The following NSG2 variants were observed in gnomAD, a reference collection of about 807,000 sequenced individuals.
The protein encoded by NSG2 is neuronal vesicle trafficking associated 2, also known as neuronal vesicle trafficking-associated protein 2.
NSG2 carries 4 observed loss-of-function variants against 16.9 expected under a neutral mutation model. The observed-to-expected ratio is 0.24, with a 90% CI of 0.12 to 0.54. NSG2 has a LOEUF of 0.54. Ranked by LOEUF, NSG2 falls within the 20% of genes least tolerant of loss-of-function variation. NSG2 has a pLI of 0.95. For missense variants in NSG2, 179 were observed against 221.1 expected (o/e 0.81, Z 1.21); for synonymous variants, 98 against 88.7 (o/e 1.11, Z -0.59).
chr5:174,084,936 T>C (rs1174835975), intron 3 of NSG2, among the ~76,000 whole-genome samples: 1 of 152,166 alleles, frequency 6.6e-6, no homozygotes, highest in Non-Finnish European at 1.5e-5. Flanking sequence ...CTTTGTACAG[T>C]CAGAATGGTG....
intron 3 of NSG2, among the ~76,000 whole-genome samples, chr5:174,088,293 T>C (rs985314323): frequency 1.3e-5 from 2 of 152,126 alleles, no homozygotes; most frequent in Non-Finnish European, 1.5e-5. Flanking sequence ...GTGGTAATAG[T>C]GGGAGAAGCT....
At position 174,107,668 on chromosome 5, in the gene NSG2, G is replaced by A. The variant is rs770166935; in HGVS notation, c.*163G>A. ...CGCACCAAAAACGTGGTGTGTGCTG[G>A]AGTTGTCTGAACCGATATTTCTTTT... On this transcript the variant is annotated 3_prime_UTR_variant, in exon 5 of 5. Coordinates refer to ENST00000303177, the MANE Select transcript of NSG2 (RefSeq NM_015980.5). This position sits in a 1 kb window ranked among gnomAD's most constrained non-coding sequence, Gnocchi z 4.5. 9.6e-5 allele frequency: 72 copies of A among 753,110 alleles called. No individual in the cohort carries two copies. In the South Asian group the frequency reaches 1.0e-3, roughly 11 times the overall value. The allele number at this position is 753,110 out of a possible 1,614,324, so 46.7% of individuals were successfully genotyped here.
intron 3 of NSG2, among the ~76,000 whole-genome samples, chr5:174,097,837 G>A (rs1309226221): frequency 1.3e-5 from 2 of 150,696 alleles, no homozygotes; most frequent in Non-Finnish European, 3.0e-5. Context: ...GTCTCTTTGT[G>A]TGTGTCTGTG....
chr5:174,087,787 CAAA>C (rs552111181), intron 3 of NSG2, among the ~76,000 whole-genome samples: 1 of 131,640 alleles, frequency 7.6e-6, no homozygotes. Context: ...GACCCTGTGT[CAAA>C]AAAAAAAAAA....
chr5:174,098,869 G>T (rs10076619), intron 3 of NSG2, among the ~76,000 whole-genome samples: 51,204 of 152,028 alleles, frequency 0.34, 11,823 homozygotes, highest in African/African-American at 0.66. Context: ...ACCCTCCAAT[G>T]TAGCGCTGGA....
At chr5:174,063,838 T>C (rs1012235283) in intron 2 of NSG2, among the ~76,000 whole-genome samples, 4 of 152,162 alleles carry the variant, frequency 2.6e-5, no homozygotes, top group Admixed American at 2.6e-4. Context: ...TGTTATACTA[T>C]GCCAAAAGGC....
intron 2 of NSG2, among the ~76,000 whole-genome samples, chr5:174,052,140 A>G (rs1462681500): frequency 1.3e-5 from 2 of 152,188 alleles, no homozygotes; most frequent in Non-Finnish European, 2.9e-5. Context: ...CTGTCCAATC[A>G]GTCCTCCACG....
At chr5:174,089,324 AG>A (rs1214082080) in intron 3 of NSG2, among the ~76,000 whole-genome samples, 5 of 152,172 alleles carry the variant, frequency 3.3e-5, no homozygotes, top group Non-Finnish European at 7.4e-5. Context: ...CGCCCCAAAG[AG>A]GGATCTCATC....
At chr5:174,047,084 T>A (rs1378767531) in intron 2 of NSG2, among the ~76,000 whole-genome samples, 200 bp downstream of exon 2, 1 of 152,228 alleles carries the variant, frequency 6.6e-6, no homozygotes, top group Admixed American at 6.5e-5. Context: ...GTTTATTCAT[T>A]TTTTGTTCAT....
chr5:174,074,705 T>A (rs1349454057), intron 3 of NSG2, among the ~76,000 whole-genome samples: 1 of 152,048 alleles, frequency 6.6e-6, no homozygotes, highest in African/African-American at 2.4e-5. Flanking sequence ...ACTGCCTTCC[T>A]ACACTCCCAG....
intron 3 of NSG2, among the ~76,000 whole-genome samples, chr5:174,081,083 G>A (rs1422820791): frequency 2.0e-5 from 3 of 150,770 alleles, no homozygotes; most frequent in Non-Finnish European, 4.4e-5. Context: ...TTTGAATTTT[G>A]TATATTTATT....
rs906025748 is a variant in NSG2, at chr5:174,104,137, G to T, written c.214-91G>T. 1.7e-5 allele frequency: 15 copies of T among 874,606 alleles called. No homozygotes were observed. The African/African-American group carries it at 2.3e-4, about 13-fold the overall frequency. The allele number at this position is 874,606 out of a possible 1,614,324, so 54.2% of individuals were successfully genotyped here. On this transcript the variant is annotated intron_variant, in intron 3 of 4. Transcript: ENST00000303177. Reference sequence around the variant, plus strand: ...CCTGTCCCCCTTTCTAGCACACCATGCTGCCTGCCAGTTCTAGGCTCTGAA... The same window carrying T: ...CCTGTCCCCCTTTCTAGCACACCATTCTGCCTGCCAGTTCTAGGCTCTGAA...
At chr5:174,053,692 T>C (rs1170325398) in intron 2 of NSG2, among the ~76,000 whole-genome samples, 2 of 152,132 alleles carry the variant, frequency 1.3e-5, no homozygotes, top group Admixed American at 6.5e-5. Context: ...ATCCAGCAAA[T>C]AGCTAATGAT....
intron 3 of NSG2, among the ~76,000 whole-genome samples, chr5:174,087,632 A>T (rs927837915): frequency 6.6e-6 from 1 of 151,884 alleles, no homozygotes. Flanking sequence ...AATAATAAAA[A>T]AAAAATAGCT....
At chr5:174,061,234 G>T (rs1760045636) in intron 2 of NSG2, among the ~76,000 whole-genome samples, 1 of 152,088 alleles carries the variant, frequency 6.6e-6, no homozygotes, top group South Asian at 2.1e-4. Flanking sequence ...TGGATTAAGA[G>T]AAATAATCAG....
intron 3 of NSG2, among the ~76,000 whole-genome samples, chr5:174,083,775 T>C (rs1378778962): frequency 6.6e-6 from 1 of 152,196 alleles, no homozygotes; most frequent in Non-Finnish European, 1.5e-5. Flanking sequence ...GAATGAACAT[T>C]GATACAGCAT....
chr5:174,080,513 C>CTCTTTCTTTCTTTCCCTCTT (rs1554101497), intron 3 of NSG2, among the ~76,000 whole-genome samples: 39 of 128,224 alleles, frequency 3.0e-4, no homozygotes, highest in Middle Eastern at 3.9e-3. Context: ...CTTTCTTTCC[C>CTCTTTCTTTCTTTCCCTCTT]TCTTTCTTTC....
chr5:174,104,816 C>G (rs1376819838), intron 4 of NSG2, among the ~76,000 whole-genome samples: 1 of 152,162 alleles, frequency 6.6e-6, no homozygotes, highest in Non-Finnish European at 1.5e-5. Flanking sequence ...ACGGAACCTG[C>G]TGCATGACCT....
intron 3 of NSG2, among the ~76,000 whole-genome samples, chr5:174,089,238 T>TAAGCA (rs1760683205): frequency 6.6e-6 from 1 of 152,156 alleles, no homozygotes; most frequent in African/African-American, 2.4e-5. Flanking sequence ...GCACCTCCAG[T>TAAGCA]AAGCAAAGCT....
Sources: allele counts gnomAD v4.1 joint callset (sites outside exome capture counted in the v4.1 genomes callset), GRCh38; gene constraint gnomAD v4.1.1; non-coding constraint Gnocchi (gnomAD v3.1); transcripts MANE v1.5; gene names NCBI Gene and HGNC (gene_info 2026-07-23, HGNC 2026-07-21).